Variants in CACHD1 observed in about 807,000 individuals in gnomAD.
CACHD1 encodes the protein cache domain containing 1.
CACHD1 carries 71 observed loss-of-function variants against 138.7 expected under a neutral mutation model. That is an observed-to-expected ratio of 0.51 (90% CI 0.42 to 0.62). CACHD1 has a LOEUF of 0.62. Among genes scored for constraint, CACHD1 ranks in the 20% least tolerant of loss-of-function variants. The pLI is 0.00. For synonymous variants in CACHD1, 578 were observed against 591.5 expected (o/e 0.98, Z 0.33); for missense variants, 1,389 against 1,625.3 (o/e 0.85, Z 2.50).
At chr1:64,648,798 A>T (rs184647055) in intron 9 of CACHD1, among the ~76,000 whole-genome samples, 1 of 152,350 alleles carries the variant, frequency 6.6e-6, no homozygotes, top group African/African-American at 2.4e-5. Context: ...GAATCTGGAA[A>T]ATATAACAGA....
chr1:64,603,364 A>G (rs1647252881), intron 4 of CACHD1, among the ~76,000 whole-genome samples: 1 of 151,996 alleles, frequency 6.6e-6, no homozygotes, highest in South Asian at 2.1e-4. Flanking sequence ...TTGGCCTCCC[A>G]AAGTGCTGAG....
intron 24 of CACHD1, 79 bp from the exon 25 acceptor site, chr1:64,681,179 C>T: frequency 2.9e-6 from 3 of 1,036,404 alleles, no homozygotes; most frequent in South Asian, 1.4e-5. Flanking sequence ...AGCCATCAAA[C>T]AAGTGCTCAG....
rs1491167816 is a variant in CACHD1, at chr1:64,483,863, TTC to T, written c.198+12922_198+12923del. On this transcript the variant is annotated intron_variant, in intron 1 of 26. Transcript: ENST00000651257. ...CACCTTTGTGACCTTATCTTTTACC[TTC>T]CCCCCCCCCCTTGCATATAACTCTG... is the stretch of plus-strand genomic sequence containing the variant. 5.5e-3 allele frequency among the ~76,000 whole-genome samples: 222 copies of T among 40,364 alleles called. 1 individual carries two copies. The highest frequency in any genetic ancestry group is 0.012 in the African/African-American group (189 of 16,236). 26.5% of individuals were successfully genotyped at this position (40,364 alleles called of 152,430 possible).
chr1:64,647,750 G>T lies in CACHD1; in HGVS notation c.1157-51G>T, dbSNP rs377514014. ...TGATCTAAATGGCAAGAGGTTGAAT[G>T]GATATAAACCATTTTGCTTTCCGTG... On this transcript the variant is annotated intron_variant, in intron 8 of 26. Coordinates refer to ENST00000651257, the MANE Select transcript of CACHD1 (RefSeq NM_020925.4). 117 of 1,506,520 alleles carry T rather than the reference G, an allele frequency of 7.8e-5. 3 individuals are homozygous for T. The highest frequency in any genetic ancestry group is 6.6e-4 in the East Asian group (29 of 44,248). The allele number at this position is 1,506,520 out of a possible 1,614,324, so 93.3% of individuals were successfully genotyped here.
chr1:64,485,865 A>C (rs1433184186), intron 1 of CACHD1, among the ~76,000 whole-genome samples: 1 of 152,180 alleles, frequency 6.6e-6, no homozygotes, highest in East Asian at 1.9e-4. Flanking sequence ...GTTGAATGTA[A>C]GTTTTCATAT....
At chr1:64,479,579 G>A (rs75081287) in intron 1 of CACHD1, among the ~76,000 whole-genome samples, 2,315 of 152,250 alleles carry the variant, frequency 0.015, 30 homozygotes, top group Admixed American at 0.024. Flanking sequence ...AGGTCAAGCT[G>A]GGGGCTGTTT....
At chr1:64,598,879 GATC>G (rs913413486) in intron 3 of CACHD1, among the ~76,000 whole-genome samples, 8 of 149,786 alleles carry the variant, frequency 5.3e-5, no homozygotes, top group African/African-American at 2.0e-4. Context: ...TCACCAATGT[GATC>G]ATATTAGGAG....
chr1:64,612,112 A>AT (rs917842528), intron 4 of CACHD1, among the ~76,000 whole-genome samples: 71 of 152,214 alleles, frequency 4.7e-4, no homozygotes, highest in African/African-American at 1.6e-3. Context: ...AACTGCCCCC[A>AT]TGATCCAATT....
At chr1:64,659,366 C>G (rs1649369823) in intron 13 of CACHD1, among the ~76,000 whole-genome samples, 1 of 152,004 alleles carries the variant, frequency 6.6e-6, no homozygotes, top group East Asian at 1.9e-4. Context: ...TAAAGGTAAA[C>G]ATGTAAGTAT....
intron 7 of CACHD1, among the ~76,000 whole-genome samples, chr1:64,639,146 G>A (rs1242868042): frequency 6.6e-6 from 1 of 152,094 alleles, no homozygotes; most frequent in Non-Finnish European, 1.5e-5. Context: ...TCTCTTTTAG[G>A]TCACCCTAGA....
intron 3 of CACHD1, among the ~76,000 whole-genome samples, chr1:64,587,454 A>T (rs1004089451): frequency 6.6e-6 from 1 of 152,218 alleles, no homozygotes; most frequent in Non-Finnish European, 1.5e-5. Flanking sequence ...AAAGTGGCAG[A>T]AAATTCATTT....
chr1:64,622,742 T>C (rs1173979338), intron 4 of CACHD1, among the ~76,000 whole-genome samples: 1 of 152,174 alleles, frequency 6.6e-6, no homozygotes, highest in African/African-American at 2.4e-5. Context: ...ATCTATAAAA[T>C]AGGAATAAAA....
At chr1:64,504,927 C>G (rs1646359861) in intron 1 of CACHD1, among the ~76,000 whole-genome samples, 1 of 152,108 alleles carries the variant, frequency 6.6e-6, no homozygotes, top group South Asian at 2.1e-4. Flanking sequence ...AGTGGCTGTT[C>G]AAGAAATGGT....
chr1:64,584,443 C>A (rs1647034890), intron 3 of CACHD1, among the ~76,000 whole-genome samples: 1 of 152,196 alleles, frequency 6.6e-6, no homozygotes, highest in South Asian at 2.1e-4. Context: ...CTGGCTGCTA[C>A]TGGTGAATCT....
chr1:64,659,818 A>G (rs1649384903), intron 13 of CACHD1, among the ~76,000 whole-genome samples: 1 of 152,226 alleles, frequency 6.6e-6, no homozygotes, highest in African/African-American at 2.4e-5. Context: ...CAACTGGCCA[A>G]CTGAGAAGAA....
At chr1:64,500,965 C>T (rs986275210) in intron 1 of CACHD1, among the ~76,000 whole-genome samples, 3 of 151,268 alleles carry the variant, frequency 2.0e-5, no homozygotes, top group African/African-American at 7.3e-5. Context: ...AGGAGAATTG[C>T]TTGAATCCAT....
At chr1:64,512,499 T>G (rs894702260) in intron 1 of CACHD1, among the ~76,000 whole-genome samples, 1 of 151,800 alleles carries the variant, frequency 6.6e-6, no homozygotes, top group African/African-American at 2.4e-5. Context: ...GTTCCTCCTT[T>G]ACTTTGAATG....
At chr1:64,487,968 G>C (rs969815420) in intron 1 of CACHD1, among the ~76,000 whole-genome samples, 1 of 152,154 alleles carries the variant, frequency 6.6e-6, no homozygotes, top group Non-Finnish European at 1.5e-5. Context: ...TTAAGTAGCT[G>C]GTGGTAGATG....
chr1:64,480,932 A>C (rs1646207510), intron 1 of CACHD1, among the ~76,000 whole-genome samples: 1 of 148,416 alleles, frequency 6.7e-6, no homozygotes, highest in Non-Finnish European at 1.5e-5. Flanking sequence ...ACTACTTTGG[A>C]GGAATCATTC....
Sources: allele counts gnomAD v4.1 joint callset (sites outside exome capture counted in the v4.1 genomes callset), GRCh38; gene constraint gnomAD v4.1.1; transcripts MANE v1.5; gene names NCBI Gene and HGNC (gene_info 2026-07-23, HGNC 2026-07-21).